PGGT1B: variants seen among roughly 807,000 people sequenced by gnomAD.
PGGT1B encodes the protein protein geranylgeranyltransferase type I subunit beta.
Under a neutral mutation model 46.1 loss-of-function variants are expected in PGGT1B, and 30 were observed. The ratio of observed to expected loss-of-function variants is 0.65; its 90% confidence interval spans 0.49 to 0.88. The LOEUF is 0.88. PGGT1B is among the 40% of genes least tolerant of loss of function. The pLI, the probability that PGGT1B is intolerant of heterozygous loss-of-function variation, is 0.00. For synonymous variants in PGGT1B, 170 were observed against 160.0 expected, an observed-to-expected ratio of 1.06 and a Z score of -0.47; for missense variants, 376 against 455.9, an observed-to-expected ratio of 0.82 and a Z score of 1.60.
chr5:115,223,774 T>C (rs545178441), intron 6 of PGGT1B, among the ~76,000 whole-genome samples: 1 of 152,350 alleles, frequency 6.6e-6, no homozygotes, highest in African/African-American at 2.4e-5. Context: ...GTCAGTATTT[T>C]TCCATATAAG....
At chr5:115,217,732 T>C (rs1295369779) in intron 7 of PGGT1B, among the ~76,000 whole-genome samples, 1 of 151,994 alleles carries the variant, frequency 6.6e-6, no homozygotes, top group African/African-American at 2.4e-5. Flanking sequence ...AAAGAAAAGC[T>C]AAACTCATAA....
intron 8 of PGGT1B, among the ~76,000 whole-genome samples, chr5:115,213,386 G>C (rs1207736322): frequency 6.6e-6 from 1 of 152,156 alleles, no homozygotes; most frequent in Non-Finnish European, 1.5e-5. Flanking sequence ...GAGCTTTGCA[G>C]TTATAGGAAC....
At chr5:115,242,903 G>C (rs548368023) in intron 2 of PGGT1B, among the ~76,000 whole-genome samples, 1 of 152,010 alleles carries the variant, frequency 6.6e-6, no homozygotes, top group Non-Finnish European at 1.5e-5. Context: ...GGAGGTGGAG[G>C]TTGCAATGAG....
intron 1 of PGGT1B, among the ~76,000 whole-genome samples, chr5:115,254,051 A>G (rs991981519): frequency 1.3e-5 from 2 of 152,102 alleles, no homozygotes; most frequent in African/African-American, 4.8e-5. Context: ...ACTAATAGTA[A>G]TAAATTAACA....
intron 2 of PGGT1B, among the ~76,000 whole-genome samples, chr5:115,246,988 G>A (rs539419269): frequency 2.0e-5 from 3 of 152,246 alleles, no homozygotes; most frequent in East Asian, 3.9e-4. Flanking sequence ...GTGTAAGTAT[G>A]CAGGAAGTGT....
At position 115,206,709 on chromosome 5, in the gene PGGT1B, A is replaced by C. The variant is rs1756076218; in HGVS notation, c.*5693T>G. 6.6e-6 allele frequency: 1 copy of C among 152,070 alleles called. No homozygotes were observed. The allele number at this position is 152,070 out of a possible 1,614,324, so 9.4% of individuals were successfully genotyped here. On this transcript the variant is annotated 3_prime_UTR_variant, in exon 9 of 9. Coordinates refer to ENST00000419445, the MANE Select transcript of PGGT1B (RefSeq NM_005023.4). Reference sequence around the variant, plus strand: ...AAAAATGTGGCTGTGAGATCCTTGAAAATGTATCATTGCCTATTTGCATGT... The same window carrying C: ...AAAAATGTGGCTGTGAGATCCTTGACAATGTATCATTGCCTATTTGCATGT...
At chr5:115,244,183 A>G (rs550376982) in intron 2 of PGGT1B, among the ~76,000 whole-genome samples, 13 of 152,194 alleles carry the variant, frequency 8.5e-5, no homozygotes, top group Admixed American at 5.2e-4. Flanking sequence ...TACCTAACAC[A>G]GGTTGGGCGC....
At chr5:115,249,468 G>A (rs776292338) in intron 2 of PGGT1B, among the ~76,000 whole-genome samples, 3 of 152,068 alleles carry the variant, frequency 2.0e-5, no homozygotes, top group African/African-American at 7.2e-5. Context: ...TATTGGCTAG[G>A]GTTAGACCAA....
chr5:115,220,745 G>C (rs1580747566), intron 7 of PGGT1B, among the ~76,000 whole-genome samples: 1 of 151,810 alleles, frequency 6.6e-6, no homozygotes, highest in African/African-American at 2.4e-5. Context: ...AGAAATTATG[G>C]CTAATTGTTT....
Position 115,212,190 on chromosome 5 carries a change from C to T in PGGT1B, c.*212G>A, listed in dbSNP as rs375774628. ...ATACAGTATAAACATTTAAGAACCA[C>T]GACAAAGTTGTGGTTCAAACTTCAA... On this transcript the variant is annotated 3_prime_UTR_variant, in exon 9 of 9. Transcript: ENST00000419445. 2.0e-5 allele frequency: 16 copies of T among 796,418 alleles called. No homozygotes were observed. The highest frequency in any genetic ancestry group is 6.4e-5 in the South Asian group (3 of 46,986). The allele number at this position is 796,418 out of a possible 1,614,324, so 49.3% of individuals were successfully genotyped here.
At chr5:115,252,330 A>G (rs1394790572) in intron 2 of PGGT1B, among the ~76,000 whole-genome samples, 1 of 152,070 alleles carries the variant, frequency 6.6e-6, no homozygotes, top group Non-Finnish European at 1.5e-5. Context: ...AACTATGTTC[A>G]AGATCGTCTG....
chr5:115,260,642 T>C (rs1420522879), intron 1 of PGGT1B, among the ~76,000 whole-genome samples: 2 of 152,182 alleles, frequency 1.3e-5, no homozygotes, highest in Non-Finnish European at 2.9e-5. Context: ...AACTGACATA[T>C]GCAGTTATCT....
chr5:115,247,811 A>T (rs1186744409), intron 2 of PGGT1B, among the ~76,000 whole-genome samples: 1 of 152,184 alleles, frequency 6.6e-6, no homozygotes, highest in Non-Finnish European at 1.5e-5. Context: ...ATTTCCCTCA[A>T]CAAGATAGCA....
intron 3 of PGGT1B, among the ~76,000 whole-genome samples, chr5:115,238,294 T>TC (rs1453831495): frequency 9.0e-6 from 1 of 110,866 alleles, no homozygotes; most frequent in Non-Finnish European, 1.7e-5. Flanking sequence ...TTTTTGGATT[T>TC]TTTTTTTTTT....
rs1317611732 is a variant in PGGT1B, at chr5:115,205,060, A to G, written c.*7342T>C. On this transcript the variant is annotated 3_prime_UTR_variant, in exon 9 of 9. Coordinates refer to ENST00000419445, the MANE Select transcript of PGGT1B (RefSeq NM_005023.4). ...CATACTACTTAGTTGCACTTTATCA[A>G]ATCGATTTTAGTGATTGTTTTCCTT... is the stretch of plus-strand genomic sequence containing the variant. The G allele has an allele frequency of 6.6e-6, 1 of 152,178 alleles. No individual in the cohort carries two copies. The highest frequency in any genetic ancestry group is 2.4e-5 in the African/African-American group (1 of 41,452). The allele number at this position is 152,178 out of a possible 1,614,324, so 9.4% of individuals were successfully genotyped here.
At chr5:115,213,703 T>C (rs559212370) in intron 8 of PGGT1B, among the ~76,000 whole-genome samples, 3 of 152,110 alleles carry the variant, frequency 2.0e-5, no homozygotes, top group East Asian at 1.9e-4. Context: ...CCTAGGGAGG[T>C]TGAGGCTGCA....
intron 2 of PGGT1B, among the ~76,000 whole-genome samples, chr5:115,247,345 T>C (rs1747894306): frequency 6.6e-6 from 1 of 152,180 alleles, no homozygotes; most frequent in Admixed American, 6.5e-5. Context: ...TATTTAGGTA[T>C]AATAAAGGAC....
At chr5:115,238,040 A>G (rs1306433576) in intron 3 of PGGT1B, 31 bp from the exon 4 acceptor site, 1 of 1,459,600 alleles carries the variant, frequency 6.9e-7, no homozygotes, top group South Asian at 1.3e-5. Context: ...GTACTAATTA[A>G]TGAAGTGAAA....
intron 5 of PGGT1B, among the ~76,000 whole-genome samples, chr5:115,234,299 G>A (rs78710025): frequency 0.084 from 12,803 of 151,560 alleles, 1,087 homozygotes; most frequent in East Asian, 0.49. Flanking sequence ...AATAAGAAAT[G>A]TAAGAAAGAT....
Sources: allele counts gnomAD v4.1 joint callset (sites outside exome capture counted in the v4.1 genomes callset), GRCh38; gene constraint gnomAD v4.1.1; transcripts MANE v1.5; gene names NCBI Gene and HGNC (gene_info 2026-07-23, HGNC 2026-07-21).